Variants in DOCK1 observed in about 807,000 individuals in gnomAD.
The protein encoded by DOCK1 is dedicator of cytokinesis protein 1.
DOCK1 carries 138 observed loss-of-function variants against 262.7 expected under a neutral mutation model. That is an observed-to-expected ratio of 0.53 (90% CI 0.46 to 0.61). The LOEUF (loss-of-function observed/expected upper bound fraction) is 0.61, where lower values mean the gene tolerates loss of function less well. Among genes scored for constraint, DOCK1 ranks in the 20% least tolerant of loss-of-function variants. The pLI, the probability that DOCK1 is intolerant of heterozygous loss-of-function variation, is 0.00. For missense variants in DOCK1, 1,908 were observed against 2,370.7 expected, an observed-to-expected ratio of 0.80 and a Z score of 4.05; for synonymous variants, 866 against 867.4, an observed-to-expected ratio of 1.00 and a Z score of 0.03.
intron 1 of DOCK1, among the ~76,000 whole-genome samples, chr10:126,920,909 A>G (rs1295877645): frequency 1.3e-5 from 2 of 152,186 alleles, no homozygotes; most frequent in African/African-American, 2.4e-5. Flanking sequence ...CTTTACAAAA[A>G]GTTCAGGCCG....
At chr10:127,145,153 T>G (rs1255330129) in intron 27 of DOCK1, among the ~76,000 whole-genome samples, 1 of 152,032 alleles carries the variant, frequency 6.6e-6, no homozygotes, top group South Asian at 2.1e-4. Flanking sequence ...CGGCTCTGGG[T>G]CCTGAGCCTC....
At chr10:127,251,759 A>C (rs2059654007) in intron 28 of DOCK1, among the ~76,000 whole-genome samples, 1 of 148,070 alleles carries the variant, frequency 6.8e-6, no homozygotes, top group Admixed American at 6.8e-5. Context: ...TATGTGCCAC[A>C]TTTTCTTAAT....
intron 29 of DOCK1, among the ~76,000 whole-genome samples, chr10:127,297,431 G>A (rs562572192): frequency 4.6e-5 from 7 of 152,150 alleles, no homozygotes; most frequent in Admixed American, 4.6e-4. Context: ...AAGTGGGGAC[G>A]CATCGTCATG....
rs1396567953 is a variant in DOCK1, at chr10:127,446,772, C to T, written c.5414-622C>T. 2.6e-5 allele frequency among the ~76,000 whole-genome samples: 4 copies of T among 152,130 alleles called. No homozygotes were observed. The highest frequency in any genetic ancestry group is 6.6e-5 in the Admixed American group (1 of 15,266). ...TATCCTGCCTTAATGATTATTCCTC[C>T]GTTTGAAAACGGCTATTTTTTCCAG... On this transcript the variant is annotated intron_variant, in intron 50 of 51. Transcript: ENST00000623213. The surrounding 1 kb of genome is among the most constrained non-coding windows in gnomAD (Gnocchi z 4.4).
intron 27 of DOCK1, among the ~76,000 whole-genome samples, chr10:127,166,951 A>G (rs1007086034): frequency 1.3e-5 from 2 of 151,928 alleles, no homozygotes; most frequent in African/African-American, 2.4e-5. Context: ...TTTGAAATCT[A>G]TTTTGGCATT....
chr10:127,272,591 A>G (rs1590221046), intron 29 of DOCK1, among the ~76,000 whole-genome samples: 1 of 152,306 alleles, frequency 6.6e-6, no homozygotes, highest in Non-Finnish European at 1.5e-5. Flanking sequence ...CTCTTTTTCT[A>G]GCTTTTCTGG....
chr10:127,364,462 G>A (rs1043962346), intron 33 of DOCK1, among the ~76,000 whole-genome samples: 19 of 152,190 alleles, frequency 1.2e-4, no homozygotes, highest in East Asian at 3.9e-4. Context: ...CACATCCCGG[G>A]TTCAAGTGAT....
intron 27 of DOCK1, among the ~76,000 whole-genome samples, chr10:127,230,457 A>T (rs2058799724): frequency 6.6e-6 from 1 of 152,134 alleles, no homozygotes. Flanking sequence ...GTATGAGATG[A>T]GGTTATAATT....
rs376647547 is a variant in DOCK1 at position 126,998,258 on chromosome 10, C to T, written c.767+9C>T. 68 of 1,613,262 alleles carry T rather than the reference C, an allele frequency of 4.2e-5. No homozygotes were observed. The highest frequency in any genetic ancestry group is 5.5e-5 in the Non-Finnish European group (65 of 1,179,402). ...GAGTCCAAATTCATCAGGTGGGTGA[C>T]ATTTCTTGGCTGCCGTCTTTCCTCT... On this transcript the variant is annotated intron_variant, in intron 8 of 51. Coordinates refer to ENST00000623213, the MANE Select transcript of DOCK1 (RefSeq NM_001290223.2).
intron 1 of DOCK1, among the ~76,000 whole-genome samples, chr10:126,905,996 CGCGTCCGGGCTCTGG>C (rs1374248762): frequency 6.6e-6 from 1 of 152,104 alleles, no homozygotes; most frequent in Non-Finnish European, 1.5e-5. Flanking sequence ...ACTTGCGTCC[CGCGTCCGGGCTCTGG>C]GTGGGCGGGC....
chr10:127,407,221 C>T (rs1418139741), intron 40 of DOCK1, among the ~76,000 whole-genome samples: 1 of 152,096 alleles, frequency 6.6e-6, no homozygotes, highest in East Asian at 1.9e-4. Flanking sequence ...AACAAAATAC[C>T]TTAGACTGGG....
chr10:127,319,551 TC>T (rs2062429271), intron 29 of DOCK1, among the ~76,000 whole-genome samples: 1 of 152,198 alleles, frequency 6.6e-6, no homozygotes, highest in Admixed American at 6.5e-5. Context: ...AATAGCAAAG[TC>T]AATGCACACC....
intron 43 of DOCK1, among the ~76,000 whole-genome samples, chr10:127,412,072 C>T (rs1590946822): frequency 6.6e-6 from 1 of 152,016 alleles, no homozygotes; most frequent in Middle Eastern, 3.4e-3. Flanking sequence ...ACGCCATTCT[C>T]CTGCCTCACC....
At chr10:127,097,760 A>G (rs2047997453) in intron 23 of DOCK1, among the ~76,000 whole-genome samples, 1 of 152,264 alleles carries the variant, frequency 6.6e-6, no homozygotes, top group Non-Finnish European at 1.5e-5. Flanking sequence ...CTTAAATAGC[A>G]AACATTTATT....
At chr10:127,135,487 T>C (rs1220421402) in intron 27 of DOCK1, 2 of 152,674 alleles carry the variant, frequency 1.3e-5, no homozygotes, top group Non-Finnish European at 2.9e-5. Context: ...GTATAATAAT[T>C]TAATCTCTAT....
At chr10:127,013,725 A>G (rs1307943307) in intron 12 of DOCK1, 1 of 152,212 alleles carries the variant, frequency 6.6e-6, no homozygotes, top group Non-Finnish European at 1.5e-5. Context: ...AAACTGAGGG[A>G]GAAGAACAGT....
chr10:127,061,285 T>G (rs1196778146), intron 22 of DOCK1, among the ~76,000 whole-genome samples: 1 of 152,174 alleles, frequency 6.6e-6, no homozygotes, highest in Non-Finnish European at 1.5e-5. Context: ...AACTGCATCT[T>G]AATAGTGTAA....
chr10:127,193,233 T>C (rs1168627819), intron 27 of DOCK1, among the ~76,000 whole-genome samples: 1 of 152,178 alleles, frequency 6.6e-6, no homozygotes, highest in African/African-American at 2.4e-5. Flanking sequence ...TATGAAAGAC[T>C]GTTGAAAATG....
intron 30 of DOCK1, among the ~76,000 whole-genome samples, chr10:127,341,994 A>G (rs60211654): frequency 6.6e-6 from 1 of 152,286 alleles, no homozygotes; most frequent in African/African-American, 2.4e-5. Flanking sequence ...CCCTGGTCCT[A>G]TGTAGGAAAA....
Sources: allele counts gnomAD v4.1 joint callset (sites outside exome capture counted in the v4.1 genomes callset), GRCh38; gene constraint gnomAD v4.1.1; non-coding constraint Gnocchi (gnomAD v3.1); transcripts MANE v1.5; gene names NCBI Gene and HGNC (gene_info 2026-07-23, HGNC 2026-07-21).